The following RMDN2 variants were observed in gnomAD, a reference collection of about 807,000 sequenced individuals.
The protein encoded by RMDN2 is regulator of microtubule dynamics 2.
In RMDN2, 61 loss-of-function variants were observed where a neutral mutation model predicts 52.8. That is an observed-to-expected ratio of 1.16 (90% CI 0.94 to 1.43). RMDN2 has a LOEUF of 1.43. Ranked by LOEUF, RMDN2 falls within the 40% of genes most tolerant of loss-of-function variation. RMDN2 has a pLI of 0.00. For missense variants in RMDN2, 592 were observed against 475.3 expected, an observed-to-expected ratio of 1.25 and a Z score of -2.28; for synonymous variants, 180 against 153.1, an observed-to-expected ratio of 1.18 and a Z score of -1.30.
intron 7 of RMDN2, among the ~76,000 whole-genome samples, chr2:37,996,551 G>GGTATGATCC (rs1675565474): frequency 6.8e-6 from 1 of 147,146 alleles, no homozygotes; most frequent in African/African-American, 2.5e-5. Flanking sequence ...GCCGCTGTAC[G>GGTATGATCC]GTATGATCCA....
rs1180960116 is a variant in RMDN2, at chr2:37,933,257, G to A, written c.452+3528G>A. Among the ~76,000 whole-genome samples, 6 of 151,724 alleles carry A rather than the reference G, an allele frequency of 4.0e-5. No individual in the cohort carries two copies. In the East Asian group the frequency reaches 1.2e-3, roughly 30 times the overall value. ...CTCCTCACTTCCTAGATGGGATGGCGGCCGGGCAGAGACGCTCCTCACTTT... is the reference window on the plus strand; with the variant it reads ...CTCCTCACTTCCTAGATGGGATGGCAGCCGGGCAGAGACGCTCCTCACTTT... On this transcript the variant is annotated intron_variant, in intron 2 of 10. Transcript: ENST00000354545.
intron 2 of RMDN2, among the ~76,000 whole-genome samples, chr2:37,955,577 G>C (rs1669344350): frequency 6.6e-6 from 1 of 152,088 alleles, no homozygotes; most frequent in African/African-American, 2.4e-5. Flanking sequence ...CCCAGGGGGA[G>C]GTAATTGAAT....
At chr2:37,937,035 C>T (rs577261866) in intron 2 of RMDN2, among the ~76,000 whole-genome samples, 17 of 151,904 alleles carry the variant, frequency 1.1e-4, no homozygotes, top group South Asian at 4.2e-4. Context: ...CAGGTCTTAA[C>T]GCTTAAGTCT....
chr2:38,003,592 ATAGATAGATAGG>A (rs1182344937), intron 8 of RMDN2, among the ~76,000 whole-genome samples: 18 of 151,624 alleles, frequency 1.2e-4, no homozygotes, highest in African/African-American at 3.2e-4. Context: ...AGATAGATAG[ATAGATAGATAGG>A]CAGACAGACA....
intron 2 of RMDN2, chr2:37,950,688 AACTGGATATCCTGG>A: frequency 8.1e-7 from 1 of 1,233,776 alleles, no homozygotes; most frequent in Non-Finnish European, 1.2e-6. Context: ...TTCCCATAAT[AACTGGATATCCTGG>A]ACTGTCCAGA....
intron 2 of RMDN2, among the ~76,000 whole-genome samples, chr2:37,943,977 C>G (rs1199888122): frequency 6.6e-6 from 1 of 152,098 alleles, no homozygotes; most frequent in Non-Finnish European, 1.5e-5. Context: ...TATAAGGTGT[C>G]TGCATATTTT....
At chr2:37,952,225 T>C (rs752782675) in intron 2 of RMDN2, 1 of 1,609,226 alleles carries the variant, frequency 6.2e-7, no homozygotes, top group African/African-American at 1.3e-5. Flanking sequence ...TTACCCTCTC[T>C]TAGAAGGGCA....
At chr2:38,063,468 A>G (rs916868705) in intron 10 of RMDN2, among the ~76,000 whole-genome samples, 1 of 152,206 alleles carries the variant, frequency 6.6e-6, no homozygotes, top group Non-Finnish European at 1.5e-5. Context: ...AACTTAGGCA[A>G]TACCATTCAG....
intron 10 of RMDN2, among the ~76,000 whole-genome samples, chr2:38,066,010 C>T (rs184000921): frequency 6.6e-6 from 1 of 152,248 alleles, no homozygotes; most frequent in East Asian, 1.9e-4. Context: ...ACGGACTACC[C>T]TATAAATCCA....
intron 5 of RMDN2, among the ~76,000 whole-genome samples, chr2:37,988,181 T>C (rs1051075725): frequency 6.6e-6 from 1 of 152,266 alleles, no homozygotes; most frequent in Non-Finnish European, 1.5e-5. Context: ...CATAGTTTAT[T>C]AATTTTTTAA....
chr2:38,054,004 T>G (rs1681745783), intron 10 of RMDN2, among the ~76,000 whole-genome samples: 1 of 152,202 alleles, frequency 6.6e-6, no homozygotes, highest in South Asian at 2.1e-4. Flanking sequence ...TTCTAGGAGT[T>G]TTATTGATTA....
intron 10 of RMDN2, among the ~76,000 whole-genome samples, chr2:38,042,096 G>T (rs961868416): frequency 1.3e-5 from 2 of 152,024 alleles, no homozygotes; most frequent in South Asian, 2.1e-4. Context: ...GCTTTGGAAG[G>T]TTATTTATTA....
intron 7 of RMDN2, among the ~76,000 whole-genome samples, chr2:37,994,531 A>T (rs574977724): frequency 1.3e-5 from 2 of 152,368 alleles, no homozygotes; most frequent in East Asian, 3.9e-4. Context: ...ACTGTTTTCC[A>T]GATCACATTT....
intron 10 of RMDN2, among the ~76,000 whole-genome samples, chr2:38,007,099 C>T (rs978022223): frequency 3.3e-5 from 5 of 152,082 alleles, no homozygotes; most frequent in Admixed American, 6.5e-5. Flanking sequence ...CTGCTGGATT[C>T]GGTTTGCCAG....
At chr2:37,944,664 C>A (rs1668075870) in intron 2 of RMDN2, among the ~76,000 whole-genome samples, 1 of 152,136 alleles carries the variant, frequency 6.6e-6, no homozygotes, top group South Asian at 2.1e-4. Flanking sequence ...GTGATAAGTA[C>A]AGAAACCTGA....
intron 4 of RMDN2, among the ~76,000 whole-genome samples, chr2:37,980,282 C>T (rs1673126606): frequency 6.6e-6 from 1 of 152,016 alleles, no homozygotes; most frequent in Admixed American, 6.6e-5. Flanking sequence ...ATAAACAAAC[C>T]TCTATCCAAA....
intron 10 of RMDN2, among the ~76,000 whole-genome samples, chr2:38,038,212 TAG>T (rs1399831708): frequency 3.3e-5 from 5 of 151,712 alleles, no homozygotes; most frequent in East Asian, 1.9e-4. Context: ...TGGAGGCTCT[TAG>T]ACTTAGACGC....
At chr2:38,027,509 G>C (rs1479447303) in intron 10 of RMDN2, 2 of 151,972 alleles carry the variant, frequency 1.3e-5, no homozygotes, top group African/African-American at 4.8e-5. Flanking sequence ...AACCTCGAAA[G>C]TATTACATTT....
intron 10 of RMDN2, among the ~76,000 whole-genome samples, chr2:38,045,996 A>C (rs1681251603): frequency 6.6e-6 from 1 of 152,228 alleles, no homozygotes; most frequent in Non-Finnish European, 1.5e-5. Context: ...GAAATTTATC[A>C]GGATGACTCA....
Sources: allele counts gnomAD v4.1 joint callset (sites outside exome capture counted in the v4.1 genomes callset), GRCh38; gene constraint gnomAD v4.1.1; transcripts MANE v1.5; gene names NCBI Gene and HGNC (gene_info 2026-07-23, HGNC 2026-07-21).